Variants in CATSPERD observed in about 807,000 individuals in gnomAD.
CATSPERD encodes cation channel sperm-associated auxiliary subunit delta.
A neutral mutation model predicts 98.1 loss-of-function variants in CATSPERD; 86 were observed. The observed-to-expected ratio is 0.88, with a 90% CI of 0.74 to 1.05. The LOEUF (loss-of-function observed/expected upper bound fraction) is 1.05, where lower values mean the gene tolerates loss of function less well. Among genes scored for constraint, CATSPERD ranks in the 50% least tolerant of loss-of-function variants. The pLI is 0.00. For missense variants in CATSPERD, 995 were observed against 1,005.7 expected (o/e 0.99, Z 0.14); for synonymous variants, 394 against 390.2 (o/e 1.01, Z -0.12).
chr19:5,750,291 A>T (rs1022039325), intron 11 of CATSPERD, among the ~76,000 whole-genome samples: 2 of 149,796 alleles, frequency 1.3e-5, no homozygotes, highest in African/African-American at 4.9e-5. Context: ...TACTAAAAAA[A>T]ATACGAAAAA....
At chr19:5,746,204 CAAGCCCAT>C in intron 9 of CATSPERD, 141 bp downstream of exon 9, 1 of 882,590 alleles carries the variant, frequency 1.1e-6, no homozygotes, top group South Asian at 1.6e-5. Flanking sequence ...GAGTGGACCA[CAAGCCCAT>C]AATCATTTAG....
chr19:5,762,058 A>ATATATTTTTTT, intron 15 of CATSPERD, among the ~76,000 whole-genome samples: 2 of 10,442 alleles, frequency 1.9e-4, no homozygotes, highest in African/African-American at 6.6e-4. Flanking sequence ...ATATATATAT[A>ATATATTTTTTT]TTTTTTTTTT....
intron 11 of CATSPERD, among the ~76,000 whole-genome samples, chr19:5,751,202 A>G (rs1247045728): frequency 3.1e-4 from 1 of 3,212 alleles, no homozygotes; most frequent in African/African-American, 1.3e-3. Flanking sequence ...CGTCTCAAAA[A>G]AAAAAAAAAA....
At chr19:5,724,659 A>T in intron 1 of CATSPERD, 149 bp from the exon 2 acceptor site, 1 of 716,134 alleles carries the variant, frequency 1.4e-6, no homozygotes, top group Non-Finnish European at 2.4e-6. Flanking sequence ...AGATCTTGCC[A>T]CTGCACTCCA....
chr19:5,777,227 G>C (rs2056754631), intron 21 of CATSPERD, among the ~76,000 whole-genome samples: 2 of 151,824 alleles, frequency 1.3e-5, no homozygotes, highest in African/African-American at 2.4e-5. Context: ...TGGAGGTCCT[G>C]CCTTCTCTAG....
At chr19:5,776,349 C>A (rs768694319) in intron 21 of CATSPERD, 34 bp downstream of exon 21, 1 of 1,606,066 alleles carries the variant, frequency 6.2e-7, no homozygotes, top group East Asian at 2.2e-5. Flanking sequence ...CGACAGGGGA[C>A]GCCTGGTGCC....
At chr19:5,777,614 A>G (rs147867681) in intron 21 of CATSPERD, among the ~76,000 whole-genome samples, 2,335 of 152,246 alleles carry the variant, frequency 0.015, 65 homozygotes, top group African/African-American at 0.054. Flanking sequence ...CTGGCACAAT[A>G]GCTTACGCCT....
chr19:5,742,474 T>C (rs2056008415), intron 7 of CATSPERD, among the ~76,000 whole-genome samples: 1 of 152,142 alleles, frequency 6.6e-6, no homozygotes, highest in African/African-American at 2.4e-5. Context: ...AGTCAGCCCC[T>C]ATTGCTATCA....
At chr19:5,767,262 A>T (rs1459111096) in intron 17 of CATSPERD, among the ~76,000 whole-genome samples, 1 of 129,900 alleles carries the variant, frequency 7.7e-6, no homozygotes, top group Non-Finnish European at 1.6e-5. Flanking sequence ...ACTTGAAGTG[A>T]GCCGAGATCG....
rs141590059 is a variant in CATSPERD at position 5,778,680 on chromosome 19, C to T, written c.*4C>T. ...CGGAGGCAGGTCTGACCACTGAGGC[C>T]GGTCCACAGGGTCCCAACCCCTTGT... On this transcript the variant is annotated 3_prime_UTR_variant, in exon 22 of 22. Transcript: ENST00000381624. 13,164 of 1,609,534 alleles carry T rather than the reference C, an allele frequency of 8.2e-3. 74 individuals are homozygous for T. The highest frequency in any genetic ancestry group is 0.016 in the Middle Eastern group (95 of 5,974).
chr19:5,726,099 T>A (rs541976064), intron 2 of CATSPERD, among the ~76,000 whole-genome samples: 74 of 151,618 alleles, frequency 4.9e-4, no homozygotes, highest in South Asian at 2.1e-3. Flanking sequence ...TCTTGCTCTG[T>A]CACCCAGGCT....
chr19:5,754,068 C>T, intron 12 of CATSPERD, 64 bp from the exon 13 acceptor site: 1 of 1,138,866 alleles, frequency 8.8e-7, no homozygotes, highest in Non-Finnish European at 1.3e-6. Context: ...TCCTTCCCAC[C>T]TCCTTGCCCT....
At chr19:5,766,946 G>A (rs2056549087) in intron 17 of CATSPERD, among the ~76,000 whole-genome samples, 1 of 151,694 alleles carries the variant, frequency 6.6e-6, no homozygotes, top group Non-Finnish European at 1.5e-5. Context: ...GCCCGCCTCA[G>A]CCTCTCAAAG....
intron 20 of CATSPERD, among the ~76,000 whole-genome samples, chr19:5,775,021 TAA>T (rs1005807893): frequency 1.3e-5 from 2 of 151,448 alleles, no homozygotes; most frequent in African/African-American, 4.9e-5. Context: ...TGTCTCAAAA[TAA>T]AAAAGTCATT....
intron 20 of CATSPERD, among the ~76,000 whole-genome samples, 176 bp from the exon 21 acceptor site, chr19:5,775,985 A>C (rs867741478): frequency 6.6e-6 from 1 of 151,670 alleles, no homozygotes; most frequent in African/African-American, 2.4e-5. Flanking sequence ...GCCTCCATCC[A>C]CTCTTCTCTG....
intron 20 of CATSPERD, among the ~76,000 whole-genome samples, chr19:5,773,323 G>A (rs1325927246): frequency 3.3e-5 from 5 of 152,180 alleles, no homozygotes; most frequent in Non-Finnish European, 4.4e-5. Flanking sequence ...AGGTCCTTTA[G>A]GGGATCTAGC....
Position 5,746,019 on chromosome 19 carries a change from T to C in CATSPERD, c.764T>C (p.Leu255Pro). 6.2e-7 allele frequency: 1 copy of C among 1,614,182 alleles called. No individual in the cohort carries two copies. The highest frequency in any genetic ancestry group is 2.2e-5 in the East Asian group (1 of 44,882). The change falls in exon 9 of 22, where the codon CTG (leucine) becomes CCG (proline). Residue 255 changes from leucine to proline, a missense_variant. Physicochemically the swap from Leu to Pro is moderately conservative, Grantham distance 98 (BLOSUM62 -3). Around this residue, in one of 3 missense-constraint regions of CATSPERD, gnomAD observed 762 missense variants for 773.7 expected, o/e 0.98. Coordinates refer to ENST00000381624, the MANE Select transcript of CATSPERD (RefSeq NM_152784.4). The part of the protein sequence containing the change: ...ILIAPGQRGI[L>P]LLWFENSLLF... Reference sequence around the variant, plus strand: ...ATCGCCCCCGGCCAGAGAGGCATCCTGCTCCTATGGTTTGAGAACAGCCTG... The same window carrying C: ...ATCGCCCCCGGCCAGAGAGGCATCCCGCTCCTATGGTTTGAGAACAGCCTG...
chr19:5,720,947 G>A (rs992434440), intron 1 of CATSPERD, 139 bp downstream of exon 1: 5 of 642,630 alleles, frequency 7.8e-6, no homozygotes, highest in Non-Finnish European at 1.3e-5. Context: ...TTGACGCCTC[G>A]CTCACCCTAC....
At chr19:5,742,269 CATGTGTGT>C in intron 7 of CATSPERD, among the ~76,000 whole-genome samples, 1 of 141,846 alleles carries the variant, frequency 7.0e-6, no homozygotes, top group Non-Finnish European at 1.5e-5. Context: ...TGTGCGTGTG[CATGTGTGT>C]ACGTGTGTGT....
Sources: gnomAD v4.1 joint callset for allele counts (sites outside exome capture counted in the v4.1 genomes callset) on GRCh38, gnomAD v4.1.1 for gene constraint, gnomAD v4.1.1 regional missense constraint, MANE v1.5 for transcripts, NCBI Gene and HGNC (gene_info 2026-07-23, HGNC 2026-07-21) for gene names.